Variants in NEK1 observed in about 807,000 individuals in gnomAD.
NEK1 encodes NIMA related kinase 1.
In NEK1, 137 loss-of-function variants were observed where a neutral mutation model predicts 182.1. The observed-to-expected ratio is 0.75, with a 90% CI of 0.65 to 0.87. The LOEUF is 0.87. Among genes scored for constraint, NEK1 ranks in the 40% least tolerant of loss-of-function variants. The pLI, the probability that NEK1 is intolerant of heterozygous loss-of-function variation, is 0.00. For synonymous variants in NEK1, 513 were observed against 492.2 expected (o/e 1.04, Z -0.56); for missense variants, 1,391 against 1,494.4 (o/e 0.93, Z 1.14).
At chr4:169,400,148 A>G in intron 35 of NEK1, 77 bp downstream of exon 35, 1 of 1,361,468 alleles carries the variant, frequency 7.3e-7, no homozygotes, top group Non-Finnish European at 1.0e-6. Context: ...ATGTGATGTA[A>G]GCTGATTCAT....
chr4:169,456,244 G>A (rs72691068), intron 27 of NEK1, among the ~76,000 whole-genome samples: 8,617 of 151,920 alleles, frequency 0.057, 248 homozygotes, highest in African/African-American at 0.072. Flanking sequence ...TATAGCTATC[G>A]GTCCCTACAC....
chr4:169,481,521 T>C (rs1748001115), intron 23 of NEK1, among the ~76,000 whole-genome samples: 1 of 152,210 alleles, frequency 6.6e-6, no homozygotes, highest in South Asian at 2.1e-4. Flanking sequence ...CATGAATCTC[T>C]TTGTATAATA....
rs939731444 is a variant in NEK1, at chr4:169,508,338, G to A, written c.1750-7C>T. On this transcript the variant is annotated splice_region_variant and splice_polypyrimidine_tract_variant and intron_variant, in intron 20 of 35. Coordinates refer to ENST00000507142, the MANE Select transcript of NEK1 (RefSeq NM_001199397.3). ...TCAGTCTTGCCAGATAAACCTACAA[G>A]GAGGCAAAAACCCCAACATAATAAT... 2 of 1,556,508 alleles carry A rather than the reference G, an allele frequency of 1.3e-6. No homozygotes were observed. The highest frequency in any genetic ancestry group is 2.7e-5 in the African/African-American group (2 of 73,038).
rs1766529574 is a variant in NEK1, at chr4:169,580,922, A to C, written c.808-20T>G. ...AATAAGCTGAGATTGAAAGAGAAAA[A>C]AATTAGAAAAGATGTTACATTTTCA... is the stretch of plus-strand genomic sequence containing the variant. On this transcript the variant is annotated intron_variant, in intron 10 of 35. Coordinates refer to ENST00000507142, the MANE Select transcript of NEK1 (RefSeq NM_001199397.3). The C allele has an allele frequency of 5.8e-6, 8 of 1,378,726 alleles. No individual in the cohort carries two copies. The highest frequency in any genetic ancestry group is 7.9e-6 in the Non-Finnish European group (8 of 1,008,600). 85.4% of individuals were successfully genotyped at this position (1,378,726 alleles called of 1,614,324 possible).
At chr4:169,556,784 A>C (rs1447728577) in intron 16 of NEK1, among the ~76,000 whole-genome samples, 1 of 152,042 alleles carries the variant, frequency 6.6e-6, no homozygotes, top group Non-Finnish European at 1.5e-5. Flanking sequence ...TTTAGAAAAA[A>C]GGCCTTGGGG....
At chr4:169,603,947 C>T (rs1000513036) in intron 2 of NEK1, among the ~76,000 whole-genome samples, 15 of 152,064 alleles carry the variant, frequency 9.9e-5, no homozygotes, top group Admixed American at 9.2e-4. Flanking sequence ...GTGATCTGCC[C>T]GCCTTGGCCT....
rs72691100 is a variant in NEK1 at position 169,515,258 on chromosome 4, T to C, written c.1666-6406A>G. Reference sequence around the variant, plus strand: ...GGTGCTTAAAATGTGTATTTTGCTATTGTGGAGTGGAATATTCTGTAAGTG... The same window carrying C: ...GGTGCTTAAAATGTGTATTTTGCTACTGTGGAGTGGAATATTCTGTAAGTG... On this transcript the variant is annotated intron_variant, in intron 19 of 35. Coordinates refer to ENST00000507142, the MANE Select transcript of NEK1 (RefSeq NM_001199397.3). Among the ~76,000 whole-genome samples, 655 of 152,316 alleles carry C rather than the reference T, an allele frequency of 4.3e-3. 5 individuals are homozygous for C. The highest frequency in any genetic ancestry group is 0.029 in the South Asian group (142 of 4,826).
chr4:169,576,940 T>C lies in NEK1; in HGVS notation c.1008A>G (p.Gln336=), dbSNP rs1765776838. 6.2e-7 allele frequency: 1 copy of C among 1,604,156 alleles called. No homozygotes were observed. The highest frequency in any genetic ancestry group is 8.5e-7 in the Non-Finnish European group (1 of 1,175,100). ...DKKLHEKKPL[Q]KHKQAHQTPE... ...AACATGATCATACCTGTTTATGTTTTTGCAGTGGTTTCTTTTCGTGTAATT... is the reference window on the plus strand; with the variant it reads ...AACATGATCATACCTGTTTATGTTTCTGCAGTGGTTTCTTTTCGTGTAATT... The change falls in exon 12 of 36, where the codon CAA becomes CAG. Residue 336 remains glutamine, a synonymous_variant. Transcript: ENST00000507142.
intron 12 of NEK1, among the ~76,000 whole-genome samples, chr4:169,569,021 G>A (rs1267198271): frequency 2.0e-5 from 3 of 151,606 alleles, no homozygotes; most frequent in Non-Finnish European, 4.4e-5. Context: ...TGTAAATACT[G>A]GGGATATGTT....
chr4:169,527,282 T>C (rs1401122883), intron 19 of NEK1, among the ~76,000 whole-genome samples: 1 of 152,088 alleles, frequency 6.6e-6, no homozygotes, highest in East Asian at 1.9e-4. Context: ...AAATCTACAG[T>C]CAGCAGACCT....
intron 19 of NEK1, among the ~76,000 whole-genome samples, chr4:169,511,777 C>T (rs1754230915): frequency 1.3e-5 from 2 of 152,138 alleles, no homozygotes; most frequent in Non-Finnish European, 2.9e-5. Flanking sequence ...GCCACATTCA[C>T]TACCTCCATC....
intron 23 of NEK1, among the ~76,000 whole-genome samples, chr4:169,500,993 T>C (rs1395563432): frequency 6.6e-6 from 1 of 152,192 alleles, no homozygotes; most frequent in African/African-American, 2.4e-5. Context: ...CCCAACCATC[T>C]GCTATCTTCA....
intron 12 of NEK1, among the ~76,000 whole-genome samples, chr4:169,564,551 A>G (rs1763395903): frequency 6.6e-6 from 1 of 152,174 alleles, no homozygotes; most frequent in Non-Finnish European, 1.5e-5. Flanking sequence ...ATTACAAAAT[A>G]AACATGACCC....
At chr4:169,400,748 G>C (rs1480028434) in intron 33 of NEK1, 97 bp from the exon 34 acceptor site, 1 of 795,078 alleles carries the variant, frequency 1.3e-6, no homozygotes, top group Non-Finnish European at 1.8e-6. Context: ...TAATGCCATT[G>C]AAATAGACTA....
intron 26 of NEK1, among the ~76,000 whole-genome samples, chr4:169,474,030 A>G (rs1285722526): frequency 6.6e-6 from 1 of 152,214 alleles, no homozygotes; most frequent in Non-Finnish European, 1.5e-5. Context: ...GAATTCTGAT[A>G]TAAAGAGGAC....
chr4:169,589,459 C>G lies in NEK1; in HGVS notation c.452G>C (p.Arg151Thr). 6.6e-7 allele frequency: 1 copy of G among 1,508,544 alleles called. No homozygotes were observed. The highest frequency in any genetic ancestry group is 9.0e-7 in the Non-Finnish European group (1 of 1,114,058). The allele number at this position is 1,508,544 out of a possible 1,614,324, so 93.4% of individuals were successfully genotyped here. The stretch of plus-strand genomic sequence containing the variant: ...AAATTCATGTTACCTATTAAGAACT[C>G]TAGCAATTCCAAAATCTCCAAGTTG... ...TVQLGDFGIA[R>T]VLNSTVELAR... Residue 151 changes from arginine to threonine, a missense_variant, in exon 7 of 36, where the codon AGA (arginine) becomes ACA (threonine). Transcript: ENST00000507142.
chr4:169,508,903 T>C, intron 19 of NEK1, 51 bp from the exon 20 acceptor site: 2 of 1,405,488 alleles, frequency 1.4e-6, no homozygotes, highest in Non-Finnish European at 1.9e-6. Context: ...GGCTACATTA[T>C]TATCTTACCA....
chr4:169,459,078 C>G (rs373308885), intron 27 of NEK1, among the ~76,000 whole-genome samples: 9 of 150,510 alleles, frequency 6.0e-5, no homozygotes, highest in African/African-American at 1.5e-4. Context: ...CACTTCTGAT[C>G]CCAAGCATTT....
intron 23 of NEK1, among the ~76,000 whole-genome samples, chr4:169,495,029 A>T (rs1750903792): frequency 6.6e-6 from 1 of 151,956 alleles, no homozygotes; most frequent in African/African-American, 2.4e-5. Flanking sequence ...ATTTTCTCCC[A>T]TTCTGTAGGT....
Sources: allele counts gnomAD v4.1 joint callset (sites outside exome capture counted in the v4.1 genomes callset), GRCh38; gene constraint gnomAD v4.1.1; transcripts MANE v1.5; gene names NCBI Gene and HGNC (gene_info 2026-07-23, HGNC 2026-07-21).